CD300C: variants seen among roughly 807,000 people sequenced by gnomAD.
CD300C encodes the protein CMRF35-like molecule 6.
CD300C carries 11 observed loss-of-function variants against 18.4 expected under a neutral mutation model. The ratio of observed to expected loss-of-function variants is 0.60; its 90% CI spans 0.38 to 0.99. CD300C has a LOEUF of 0.99. Ranked by LOEUF, CD300C falls within the 50% of genes least tolerant of loss-of-function variation. The probability of loss-of-function intolerance (pLI) is 0.01; values close to 1 mark genes in which losing one functional copy is unlikely to be tolerated. For synonymous variants in CD300C, 116 were observed against 116.3 expected, an observed-to-expected ratio of 1.00 and a Z score of 0.02; for missense variants, 277 against 287.4, an observed-to-expected ratio of 0.96 and a Z score of 0.26.
intron 3 of CD300C, 127 bp downstream of exon 3, chr17:74,542,734 C>T: frequency 1.7e-6 from 2 of 1,144,468 alleles, no homozygotes; most frequent in Non-Finnish European, 2.5e-6. Context: ...CTTAATAGAA[C>T]CTTCACGTTT....
chr17:74,540,997 G>A (rs774927595), downstream of CD300C: 3 of 152,398 alleles, frequency 2.0e-5, no homozygotes, highest in Non-Finnish European at 4.4e-5. Flanking sequence ...CCCCCATTCC[G>A]AGAGGCCTAA....
rs1598138686 is a variant in CD300C, at chr17:74,542,995, T to G, written c.401-8A>C. The G allele has an allele frequency of 6.2e-7, 1 of 1,613,184 alleles. No homozygotes were observed. The highest frequency in any genetic ancestry group is 8.5e-7 in the Non-Finnish European group (1 of 1,179,964). On this transcript the variant is annotated splice_polypyrimidine_tract_variant and splice_region_variant and intron_variant, in intron 2 of 3. Coordinates refer to ENST00000330793, the MANE Select transcript of CD300C (RefSeq NM_006678.5). ...AGGCTGTGGTCGTCCCGGCTGTGGG[T>G]GAAACACAGGTCAACCTTGATGACA...
chr17:74,544,669 T>C lies in CD300C; in HGVS notation c.340A>G (p.Thr114Ala). The C allele has an allele frequency of 6.2e-7, 1 of 1,614,202 alleles. No individual in the cohort carries two copies. Among genetic ancestry groups the C allele is most frequent in the Non-Finnish European group, 8.5e-7 (1 of 1,180,012 alleles). The change falls in exon 2 of 4, where the codon ACA (threonine) becomes GCA (alanine). Residue 114 changes from threonine (T) to alanine (A), a missense_variant. Physicochemically the swap from Thr to Ala is moderately conservative, Grantham distance 58. Coordinates refer to ENST00000330793, the MANE Select transcript of CD300C (RefSeq NM_006678.5). ...TCATGAAAGTCTCGGAGCCACGGTG[T>C]ATCCACCCCACACCAGTAGGTGCCT... ...DAGTYWCGVD[T>A]PWLRDFHDPI... is the part of the protein sequence containing the mutation.
At chr17:74,539,239 G>A (rs1233544719), downstream of CD300C, among the ~76,000 whole-genome samples, 1 of 152,146 alleles carries the variant, frequency 6.6e-6, no homozygotes, top group Non-Finnish European at 1.5e-5. Flanking sequence ...CCATGAAGGG[G>A]TCACTGCACC....
rs756347680 is a variant in CD300C, at chr17:74,544,689, G to C, written c.320C>G (p.Thr107Ser). The change falls in exon 2 of 4, where the codon ACC becomes AGC. Residue 107 changes from threonine (T) to serine (S), a missense_variant. Thr to Ser is a moderately conservative substitution (Grantham distance 58, BLOSUM62 1). Coordinates refer to ENST00000330793, the MANE Select transcript of CD300C (RefSeq NM_006678.5). ...CGGTGTATCCACCCCACACCAGTAG[G>C]TGCCTGCGTCCTCCTCTGTGAGATT... ...LENLTEEDAG[T>S]YWCGVDTPWL... is the part of the protein sequence containing the mutation. The C allele has an allele frequency of 1.9e-6, 3 of 1,614,234 alleles. No homozygotes were observed. The highest frequency in any genetic ancestry group is 2.5e-6 in the Non-Finnish European group (3 of 1,180,044).
chr17:74,537,072 G>A (rs769934116), downstream of CD300C, among the ~76,000 whole-genome samples: 24 of 150,886 alleles, frequency 1.6e-4, no homozygotes, highest in Non-Finnish European at 2.5e-4. Context: ...AGGAGGAGGA[G>A]GAGGAGAAGT....
chr17:74,542,980 C>T lies in CD300C; in HGVS notation c.408G>A (p.Thr136=), dbSNP rs2143145913. Residue 136 remains threonine, a synonymous_variant, in exon 3 of 4, where the codon ACG becomes ACA. Transcript: ENST00000330793. ...AGCTCTGGGGGCTGGAGGCTGTGGT[C>T]GTCCCGGCTGTGGGTGAAACACAGG... is the stretch of plus-strand genomic sequence containing the variant. ...EVEVSVFPAG[T]TTASSPQSSM... The T allele has an allele frequency of 2.5e-6, 4 of 1,613,572 alleles. No homozygotes were observed. Among genetic ancestry groups the T allele is most frequent in the South Asian group, 1.1e-5 (1 of 91,062 alleles).
At chr17:74,542,380 C>T (rs907475046) in intron 3 of CD300C, among the ~76,000 whole-genome samples, 2 of 152,172 alleles carry the variant, frequency 1.3e-5, no homozygotes, top group East Asian at 1.9e-4. Flanking sequence ...CCTCGCAGGA[C>T]ATTTGCCTCA....
At chr17:74,535,436 T>G in the CD300C span, among the ~76,000 whole-genome samples, 2 of 136,016 alleles carry the variant, frequency 1.5e-5, no homozygotes, top group African/African-American at 5.6e-5. Context: ...ACCACTGCAC[T>G]CTAGCCTGGG....
rs771783559 is a variant in CD300C at position 74,544,592 on chromosome 17, G to A, written c.400+17C>T. On this transcript the variant is annotated intron_variant, in intron 2 of 3. Coordinates refer to ENST00000330793, the MANE Select transcript of CD300C (RefSeq NM_006678.5). ...TAGGCTCAGGCAGGCCTGGTGCTGA[G>A]AAAAGGAGGGGCTCACCCGGGAACA... is the stretch of plus-strand genomic sequence containing the variant. The A allele has an allele frequency of 3.7e-6, 6 of 1,600,402 alleles. No homozygotes were observed. In the East Asian group the frequency reaches 1.1e-4, roughly 30 times the overall value.
At chr17:74,536,975 GAAA>G (rs1391461940), downstream of CD300C, among the ~76,000 whole-genome samples, 1 of 151,320 alleles carries the variant, frequency 6.6e-6, no homozygotes, top group Non-Finnish European at 1.5e-5. Context: ...AGGAGGAAGA[GAAA>G]AAAGAAGAGG....
intron 3 of CD300C, among the ~76,000 whole-genome samples, chr17:74,542,209 A>C (rs1908576189): frequency 6.7e-6 from 1 of 148,862 alleles, no homozygotes; most frequent in African/African-American, 2.5e-5. Flanking sequence ...TGTTGAAGGA[A>C]TTAATGAATG....
chr17:74,545,279 TGTGTGACTGTGTGTGCATGTGA>T (rs1379086723), intron 1 of CD300C, among the ~76,000 whole-genome samples: 3 of 151,602 alleles, frequency 2.0e-5, no homozygotes, highest in Non-Finnish European at 4.4e-5. Context: ...TGTGTGTGCA[TGTGTGACTGTGTGTGCATGTGA>T]GTGTGACTGT....
At chr17:74,544,996 C>T (rs763364684) in intron 1 of CD300C, 49 bp from the exon 2 acceptor site, 2 of 1,527,876 alleles carry the variant, frequency 1.3e-6, no homozygotes, top group Admixed American at 1.8e-5. Context: ...GGGGCCTGGT[C>T]AGGGGTGCCG....
At chr17:74,541,773 C>T (rs775979091) in intron 3 of CD300C, 37 bp from the exon 4 acceptor site, 3 of 1,588,970 alleles carry the variant, frequency 1.9e-6, no homozygotes, top group Admixed American at 1.8e-5. Flanking sequence ...AGTCACCTCC[C>T]CAGGGGAGGC....
At chr17:74,536,532 CAAAAAAAAAAA>C (rs376317178), downstream of CD300C, among the ~76,000 whole-genome samples, 1 of 109,212 alleles carries the variant, frequency 9.2e-6, no homozygotes, top group Non-Finnish European at 1.8e-5. Context: ...GACTCCGTCT[CAAAAAAAAAAA>C]AAAAAAAAGA....
At chr17:74,538,605 C>T (rs909591630), downstream of CD300C, among the ~76,000 whole-genome samples, 2 of 152,184 alleles carry the variant, frequency 1.3e-5, no homozygotes, top group Non-Finnish European at 2.9e-5. Context: ...CAGGGCAGGG[C>T]GATAGCAGCA....
At position 74,545,745 on chromosome 17, in the gene CD300C, G is replaced by C. The variant is rs1467634377; in HGVS notation, c.38C>G (p.Ala13Gly). The change falls in exon 1 of 4, where the codon GCT becomes GGT. Residue 13 changes from alanine (A) to glycine (G), a missense_variant. Ala to Gly is a moderately conservative substitution (Grantham distance 60). Transcript: ENST00000330793. ...ARAWASWRSS[A>G]LLLLLVPGYF... ...ACCTGGGACAAGCAGGAGGAGCAGAGCTGAAGACCGCCACGAGGCCCAGGC... is the reference window on the plus strand; with the variant it reads ...ACCTGGGACAAGCAGGAGGAGCAGACCTGAAGACCGCCACGAGGCCCAGGC... 1 of 1,609,442 alleles carries C rather than the reference G, an allele frequency of 6.2e-7. No individual in the cohort carries two copies.
chr17:74,543,016 T>C (rs781535102), intron 2 of CD300C, 29 bp from the exon 3 acceptor site: 10 of 1,612,206 alleles, frequency 6.2e-6, no homozygotes, highest in South Asian at 1.1e-5. Flanking sequence ...TCAACCTTGA[T>C]GACATCACAT....
Sources: allele counts gnomAD v4.1 joint callset (sites outside exome capture counted in the v4.1 genomes callset), GRCh38; gene constraint gnomAD v4.1.1; transcripts MANE v1.5; gene names NCBI Gene and HGNC (gene_info 2026-07-23, HGNC 2026-07-21).